The following ARL2BP variants were observed in gnomAD, a reference collection of about 807,000 sequenced individuals.
The protein encoded by ARL2BP is ADP-ribosylation factor-like protein 2-binding protein.
In ARL2BP, 19 loss-of-function variants were observed where a neutral mutation model predicts 24.2. That is an observed-to-expected ratio of 0.79 (90% CI 0.55 to 1.15). ARL2BP has a LOEUF of 1.15. Among genes scored for constraint, ARL2BP ranks in the 50% most tolerant of loss-of-function variants. The pLI is 0.00. For synonymous variants in ARL2BP, 56 were observed against 70.5 expected, an observed-to-expected ratio of 0.79 and a Z score of 1.03; for missense variants, 160 against 190.4, an observed-to-expected ratio of 0.84 and a Z score of 0.94.
rs2075413779 is a variant in ARL2BP, at chr16:57,253,120, G to C, written c.*853G>C. 6.6e-6 allele frequency: 1 copy of C among 152,516 alleles called. No homozygotes were observed. The highest frequency in any genetic ancestry group is 2.4e-5 in the African/African-American group (1 of 41,404). The allele number at this position is 152,516 out of a possible 1,614,324, so 9.4% of individuals were successfully genotyped here. On this transcript the variant is annotated 3_prime_UTR_variant, in exon 6 of 6. Coordinates refer to ENST00000219204, the MANE Select transcript of ARL2BP (RefSeq NM_012106.4). ...ATTGACATTCATTCCTATTTTACTG[G>C]GCACCTATGAATGTATGCTGTGTGC...
At position 57,249,755 on chromosome 16, in the gene ARL2BP, C is replaced by T; in HGVS notation, c.208-12C>T. On this transcript the variant is annotated splice_polypyrimidine_tract_variant and intron_variant, in intron 3 of 5. Coordinates refer to ENST00000219204, the MANE Select transcript of ARL2BP (RefSeq NM_012106.4). Reference sequence around the variant, plus strand: ...AAGTATGGTCTCACCAAAATCCTTTCCACTGTTGCAGATTTCTTTGGTAGA... The same window carrying T: ...AAGTATGGTCTCACCAAAATCCTTTTCACTGTTGCAGATTTCTTTGGTAGA... 1.2e-6 allele frequency: 2 copies of T among 1,611,832 alleles called. No homozygotes were observed. The highest frequency in any genetic ancestry group is 2.7e-5 in the African/African-American group (2 of 75,040).
intron 1 of ARL2BP, chr16:57,245,810 A>G: frequency 4.1e-6 from 2 of 487,902 alleles, no homozygotes; most frequent in Non-Finnish European, 7.3e-6. Context: ...ACAAGCAGAC[A>G]GGTATGGGGT....
intron 5 of ARL2BP, chr16:57,250,784 T>A (rs2075405086): frequency 2.6e-6 from 1 of 385,338 alleles, no homozygotes; most frequent in Non-Finnish European, 4.7e-6. Flanking sequence ...TTTATTTATT[T>A]TTTTTTTTGA....
Position 57,252,942 on chromosome 16 carries a change from G to GA in ARL2BP, c.*685dup, listed in dbSNP as rs1320811620. On this transcript the variant is annotated 3_prime_UTR_variant, in exon 6 of 6. Coordinates refer to ENST00000219204, the MANE Select transcript of ARL2BP (RefSeq NM_012106.4). ...GAAGTCTCTTTTAAGCATTATTTTT[G>GA]AAAAAAAAAATATTTTTATAGATGA... The GA allele has an allele frequency of 5.5e-4, 82 of 149,416 alleles. No individual in the cohort carries two copies. The highest frequency in any genetic ancestry group is 1.1e-3 in the African/African-American group (46 of 40,632). The allele number at this position is 149,416 out of a possible 1,614,324, so 9.3% of individuals were successfully genotyped here. A position where few individuals can be genotyped will look rare whatever the true frequency, so the allele number is the denominator to read the frequency against.
At chr16:57,249,677 A>G (rs1203247760) in intron 3 of ARL2BP, 90 bp from the exon 4 acceptor site, 18 of 1,029,078 alleles carry the variant, frequency 1.7e-5, no homozygotes. Flanking sequence ...AGACCTCAGG[A>G]AATGTTTAGA....
Position 57,249,755 on chromosome 16 carries a change from C to A in ARL2BP, c.208-12C>A. 6.2e-7 allele frequency: 1 copy of A among 1,611,832 alleles called. No individual in the cohort carries two copies. Among genetic ancestry groups the A allele is most frequent in the Non-Finnish European group, 8.5e-7 (1 of 1,177,852 alleles). ...AAGTATGGTCTCACCAAAATCCTTT[C>A]CACTGTTGCAGATTTCTTTGGTAGA... On this transcript the variant is annotated splice_polypyrimidine_tract_variant and intron_variant, in intron 3 of 5. Transcript: ENST00000219204.
intron 2 of ARL2BP, chr16:57,246,406 T>A: frequency 2.5e-6 from 1 of 399,494 alleles, no homozygotes. Flanking sequence ...GTGGCGTTCT[T>A]CGCAAAACTA....
chr16:57,250,009 G>A, intron 4 of ARL2BP, 157 bp downstream of exon 4: 1 of 671,000 alleles, frequency 1.5e-6, no homozygotes, highest in Non-Finnish European at 2.6e-6. Flanking sequence ...ATGAAATCTT[G>A]AAAAGATCAG....
intron 1 of ARL2BP, 52 bp from the exon 2 acceptor site, chr16:57,246,028 A>G: frequency 1.1e-5 from 17 of 1,585,428 alleles, no homozygotes; most frequent in Non-Finnish European, 1.5e-5. Context: ...TACTAAAAAC[A>G]TTTTTTTAAT....
chr16:57,250,801 G>T, intron 5 of ARL2BP: 1 of 331,018 alleles, frequency 3.0e-6, no homozygotes, highest in African/African-American at 2.2e-5. Flanking sequence ...TTGAGACAGA[G>T]TTTTGCTCTT....
At chr16:57,251,338 T>C (rs1394159772) in intron 5 of ARL2BP, 1 of 151,634 alleles carries the variant, frequency 6.6e-6, no homozygotes, top group Non-Finnish European at 1.5e-5. Flanking sequence ...AAGGTTGAGA[T>C]TGCTGTGAGC....
At chr16:57,247,805 T>C (rs1202914873) in intron 2 of ARL2BP, among the ~76,000 whole-genome samples, 1 of 152,160 alleles carries the variant, frequency 6.6e-6, no homozygotes, top group Non-Finnish European at 1.5e-5. Context: ...CCACAACTGC[T>C]GTGGAAGTTA....
rs1173211288 is a variant in ARL2BP, at chr16:57,252,980, A to AC, written c.*715dup. 6.5e-6 allele frequency: 1 copy of AC among 152,804 alleles called. No individual in the cohort carries two copies. Among genetic ancestry groups the AC allele is most frequent in the African/African-American group, 2.4e-5 (1 of 41,462 alleles). The allele number at this position is 152,804 out of a possible 1,614,324, so 9.5% of individuals were successfully genotyped here. ...TTTTTATAGATGAATACTCAGGCTA[A>AC]CCTAGTGGATGTGATCTTGGAACTT... On this transcript the variant is annotated 3_prime_UTR_variant, in exon 6 of 6. Coordinates refer to ENST00000219204, the MANE Select transcript of ARL2BP (RefSeq NM_012106.4).
At chr16:57,249,701 G>A (rs1269516249) in intron 3 of ARL2BP, 66 bp from the exon 4 acceptor site, 2 of 1,297,428 alleles carry the variant, frequency 1.5e-6, no homozygotes, top group Non-Finnish European at 2.2e-6. Context: ...GGCTGGGCAG[G>A]CTTTCTGAAA....
intron 3 of ARL2BP, 123 bp downstream of exon 3, chr16:57,248,766 T>C: frequency 2.0e-6 from 1 of 503,102 alleles, no homozygotes. Context: ...CCAGGAATCC[T>C]CATTAGCATC....
rs2075386861 is a variant in ARL2BP, at chr16:57,245,402, C to G, written c.35C>G (p.Ser12Cys). Residue 12 changes from serine (S) to cysteine (C), a missense_variant, in exon 1 of 6, where the codon TCT becomes TGT. Ser to Cys is a moderately radical substitution (Grantham distance 112). Coordinates refer to ENST00000219204, the MANE Select transcript of ARL2BP (RefSeq NM_012106.4). ...DALEGESFAL[S>C]FSSASDAEFD... ...TTAGAAGGAGAGAGCTTTGCGCTGT[C>G]TTTGTGAGTAGCTCCTCCAGGGCGC... is the stretch of plus-strand genomic sequence containing the variant. 1 of 1,606,822 alleles carries G rather than the reference C, an allele frequency of 6.2e-7. No homozygotes were observed. The highest frequency in any genetic ancestry group is 1.3e-5 in the African/African-American group (1 of 75,016).
intron 2 of ARL2BP, among the ~76,000 whole-genome samples, chr16:57,247,149 C>A (rs1384556167): frequency 6.6e-6 from 1 of 152,160 alleles, no homozygotes; most frequent in Non-Finnish European, 1.5e-5. Flanking sequence ...TTTATACCTT[C>A]AGGTATAAAG....
At chr16:57,245,530 G>T in intron 1 of ARL2BP, 125 bp downstream of exon 1, 1 of 1,260,064 alleles carries the variant, frequency 7.9e-7, no homozygotes, top group Non-Finnish European at 1.1e-6. Flanking sequence ...CAGGGTGGGG[G>T]CCGCCAAGGC....
chr16:57,249,671 C>CGTA, intron 3 of ARL2BP, 96 bp from the exon 4 acceptor site: 11 of 965,926 alleles, frequency 1.1e-5, no homozygotes, highest in Admixed American at 5.4e-5. Context: ...GCACACAGAC[C>CGTA]TCAGGAAATG....
Sources: gnomAD v4.1 joint callset for allele counts (sites outside exome capture counted in the v4.1 genomes callset) on GRCh38, gnomAD v4.1.1 for gene constraint, MANE v1.5 for transcripts, NCBI Gene and HGNC (gene_info 2026-07-23, HGNC 2026-07-21) for gene names.